Variants in SDK1 observed in about 807,000 individuals in gnomAD.
SDK1 encodes the protein sidekick cell adhesion molecule 1.
Under a neutral mutation model 245.5 loss-of-function variants are expected in SDK1, and 157 were observed. The observed-to-expected ratio is 0.64, with a 90% CI of 0.56 to 0.73. SDK1 has a LOEUF of 0.73. SDK1 is among the 30% of genes least tolerant of loss of function. The pLI, the probability that SDK1 is intolerant of heterozygous loss-of-function variation, is 0.00. For synonymous variants in SDK1, 1,647 were observed against 1,278.5 expected, an observed-to-expected ratio of 1.29 and a Z score of -6.15; for missense variants, 3,583 against 3,002.3, an observed-to-expected ratio of 1.19 and a Z score of -4.52.
At chr7:3,641,896 T>A in intron 3 of SDK1, 62 bp from the exon 4 acceptor site, 2 of 1,393,728 alleles carry the variant, frequency 1.4e-6, no homozygotes, top group Non-Finnish European at 2.0e-6. Flanking sequence ...TTTCCATCTG[T>A]GACCCCTTCC....
intron 4 of SDK1, among the ~76,000 whole-genome samples, chr7:3,701,026 A>T (rs1263508341): frequency 6.6e-6 from 1 of 152,170 alleles, no homozygotes; most frequent in Admixed American, 6.5e-5. Context: ...CTGGGGAGGA[A>T]CCAGTTGCCG....
chr7:3,932,588 T>A (rs1255025994), intron 5 of SDK1, among the ~76,000 whole-genome samples: 1 of 152,228 alleles, frequency 6.6e-6, no homozygotes. Flanking sequence ...GAAGACTTCC[T>A]GATTTGTTTG....
chr7:3,661,822 C>T (rs4722995), intron 4 of SDK1, among the ~76,000 whole-genome samples: 38,295 of 151,890 alleles, frequency 0.25, 5,158 homozygotes, highest in South Asian at 0.31. Flanking sequence ...CCTGGGCTTC[C>T]GGGCACCACA....
At chr7:3,897,522 G>A (rs1015758671) in intron 5 of SDK1, among the ~76,000 whole-genome samples, 4 of 152,202 alleles carry the variant, frequency 2.6e-5, no homozygotes, top group African/African-American at 9.7e-5. Flanking sequence ...TGTAGTATGT[G>A]TTGGAATTTC....
At chr7:3,705,020 G>T (rs1202163552) in intron 4 of SDK1, among the ~76,000 whole-genome samples, 1 of 152,006 alleles carries the variant, frequency 6.6e-6, no homozygotes, top group African/African-American at 2.4e-5. Context: ...TTATTTCTAG[G>T]CTCTCTACTC....
chr7:4,081,056 G>A (rs962613949), intron 22 of SDK1, among the ~76,000 whole-genome samples: 11 of 152,172 alleles, frequency 7.2e-5, no homozygotes, highest in Non-Finnish European at 2.9e-5. Context: ...AGAAGCACGC[G>A]CTGTGGTCTT....
At chr7:3,308,759 T>C (rs1779480616) in intron 1 of SDK1, among the ~76,000 whole-genome samples, 3 of 152,148 alleles carry the variant, frequency 2.0e-5, no homozygotes, top group African/African-American at 4.8e-5. Context: ...GTGCAGTGTT[T>C]GGTTGCCTTT....
intron 17 of SDK1, among the ~76,000 whole-genome samples, chr7:4,048,114 G>A (rs1197882070): frequency 6.6e-6 from 1 of 152,182 alleles, no homozygotes; most frequent in Admixed American, 6.5e-5. Context: ...GGGGAAGGGA[G>A]CCGAGAAGAG....
chr7:4,008,986 G>A (rs1474460241), intron 14 of SDK1, among the ~76,000 whole-genome samples: 3 of 152,238 alleles, frequency 2.0e-5, no homozygotes, highest in African/African-American at 7.2e-5. Flanking sequence ...GTTGTCTGTA[G>A]CGGCTATACC....
At chr7:3,311,191 G>C (rs1442870328) in intron 1 of SDK1, among the ~76,000 whole-genome samples, 1 of 152,128 alleles carries the variant, frequency 6.6e-6, no homozygotes, top group Non-Finnish European at 1.5e-5. Flanking sequence ...TGGGCCTGGG[G>C]GGAGAGTAGA....
chr7:3,557,301 G>C (rs1281534088), intron 1 of SDK1, among the ~76,000 whole-genome samples: 1 of 152,154 alleles, frequency 6.6e-6, no homozygotes, highest in Non-Finnish European at 1.5e-5. Context: ...GACTCATAAA[G>C]GACAAGATTA....
chr7:4,121,632 G>A (rs1784072586), intron 25 of SDK1, among the ~76,000 whole-genome samples: 2 of 152,222 alleles, frequency 1.3e-5, no homozygotes, highest in Admixed American at 1.3e-4. Context: ...TGTGAAAATG[G>A]ACTGATACAT....
intron 5 of SDK1, among the ~76,000 whole-genome samples, chr7:3,837,298 A>T (rs568560816): frequency 2.6e-5 from 4 of 152,312 alleles, no homozygotes; most frequent in African/African-American, 9.6e-5. Flanking sequence ...ACAATACCTT[A>T]AAAATACATG....
chr7:4,031,733 A>G (rs777122188), intron 17 of SDK1, among the ~76,000 whole-genome samples: 2 of 151,680 alleles, frequency 1.3e-5, no homozygotes, highest in Non-Finnish European at 3.0e-5. Flanking sequence ...ATCAATAAAT[A>G]TACTGGACTT....
At chr7:3,419,983 A>G (rs1388015025) in intron 1 of SDK1, among the ~76,000 whole-genome samples, 1 of 152,140 alleles carries the variant, frequency 6.6e-6, no homozygotes, top group African/African-American at 2.4e-5. Context: ...TGAGAAATGC[A>G]CCCAACCTCT....
chr7:3,872,360 A>G (rs1337898925), intron 5 of SDK1, among the ~76,000 whole-genome samples: 1 of 152,098 alleles, frequency 6.6e-6, no homozygotes, highest in Non-Finnish European at 1.5e-5. Context: ...GATATCGTAT[A>G]GAGTTGTTAT....
chr7:3,430,799 C>T (rs1318375871), intron 1 of SDK1, among the ~76,000 whole-genome samples: 1 of 152,196 alleles, frequency 6.6e-6, no homozygotes, highest in Non-Finnish European at 1.5e-5. Context: ...GGGCCCATGC[C>T]TCCGGTGGAT....
intron 5 of SDK1, among the ~76,000 whole-genome samples, chr7:3,905,554 C>A (rs903749452): frequency 6.6e-6 from 1 of 152,068 alleles, no homozygotes; most frequent in African/African-American, 2.4e-5. Context: ...TACAGTTTCA[C>A]TAGGTAGTTA....
intron 3 of SDK1, among the ~76,000 whole-genome samples, chr7:3,639,331 C>T (rs1782572841): frequency 6.6e-6 from 1 of 152,154 alleles, no homozygotes; most frequent in Non-Finnish European, 1.5e-5. Context: ...TTTGAAAAGA[C>T]TCAGGACCCT....
Sources: gnomAD v4.1 joint callset for allele counts (sites outside exome capture counted in the v4.1 genomes callset) on GRCh38, gnomAD v4.1.1 for gene constraint, MANE v1.5 for transcripts, NCBI Gene and HGNC (gene_info 2026-07-23, HGNC 2026-07-21) for gene names.